The following ALK variants were observed in gnomAD, a reference collection of about 807,000 sequenced individuals.
ALK encodes ALK tyrosine kinase receptor.
In ALK, 74 loss-of-function variants were observed where a neutral mutation model predicts 163.1. That is an observed-to-expected ratio of 0.45 (90% confidence interval 0.38 to 0.55). The LOEUF (loss-of-function observed/expected upper bound fraction) is 0.55. Ranked by LOEUF, ALK falls within the 20% of genes least tolerant of loss-of-function variation. ALK has a pLI of 0.00. For synonymous variants in ALK, 960 were observed against 843.2 expected (o/e 1.14, Z -2.40); for missense variants, 2,063 against 2,105.3 (o/e 0.98, Z 0.39).
chr2:29,320,768 C>G lies in ALK; in HGVS notation c.1529G>C (p.Arg510Pro). 6.2e-7 allele frequency: 1 copy of G among 1,613,888 alleles called. No homozygotes were observed. The highest frequency in any genetic ancestry group is 1.3e-5 in the African/African-American group (1 of 75,008). The change falls in exon 7 of 29, where the codon CGG becomes CCG. Residue 510 changes from arginine (R) to proline (P), a missense_variant. Arg to Pro is a moderately radical substitution (Grantham distance 103, BLOSUM62 -2). Transcript: ENST00000389048. Reference sequence around the variant, plus strand: ...AGTAGTACCTTGGTGGTCCTGGAACCGGGCATCCTTTAGGGTCCTGACCTG... The same window carrying G: ...AGTAGTACCTTGGTGGTCCTGGAACGGGGCATCCTTTAGGGTCCTGACCTG... ...QWQVRTLKDA[R>P]FQDHQDHALL...
intron 3 of ALK, among the ~76,000 whole-genome samples, chr2:29,554,203 T>A (rs772018269): frequency 2.6e-5 from 4 of 152,152 alleles, no homozygotes; most frequent in Admixed American, 1.3e-4. Flanking sequence ...TGGCTGGAAA[T>A]TTTAAGCATA....
chr2:29,751,306 A>T lies in ALK; in HGVS notation c.668-33609T>A, dbSNP rs140243736. Among the ~76,000 whole-genome samples the T allele has an allele frequency of 3.5e-4, 52 of 150,720 alleles. 1 individual carries two copies. The highest frequency in any genetic ancestry group is 1.2e-3 in the African/African-American group (50 of 40,694). On this transcript the variant is annotated intron_variant, in intron 1 of 28. Coordinates refer to ENST00000389048, the MANE Select transcript of ALK (RefSeq NM_004304.5). ...ACTTAAGCTACACTAAATTTATTTTAAAAAAATTAATTGTGCTAGGACATT... is the reference window on the plus strand; with the variant it reads ...ACTTAAGCTACACTAAATTTATTTTTAAAAAATTAATTGTGCTAGGACATT...
At chr2:29,807,835 G>C (rs1391980536) in intron 1 of ALK, among the ~76,000 whole-genome samples, 1 of 152,190 alleles carries the variant, frequency 6.6e-6, no homozygotes, top group African/African-American at 2.4e-5. Context: ...CATAACACAG[G>C]CATGGATTAT....
intron 1 of ALK, among the ~76,000 whole-genome samples, chr2:29,770,731 G>T (rs770950942): frequency 3.9e-5 from 6 of 152,194 alleles, no homozygotes; most frequent in Middle Eastern, 3.4e-3. Flanking sequence ...TCAACAGAGG[G>T]TTATAAGATA....
intron 1 of ALK, among the ~76,000 whole-genome samples, chr2:29,743,219 T>G (rs1259655366): frequency 6.6e-6 from 1 of 152,208 alleles, no homozygotes; most frequent in Non-Finnish European, 1.5e-5. Context: ...TTTCTAAAGC[T>G]TCTACAATTT....
chr2:29,733,436 G>A (rs917209595), intron 1 of ALK, among the ~76,000 whole-genome samples: 3 of 152,158 alleles, frequency 2.0e-5, no homozygotes, highest in Non-Finnish European at 4.4e-5. Context: ...TTAGATGTCA[G>A]GCTGGCCTGA....
chr2:29,652,679 C>G (rs1222763940), intron 3 of ALK, among the ~76,000 whole-genome samples: 1 of 152,066 alleles, frequency 6.6e-6, no homozygotes, highest in African/African-American at 2.4e-5. Flanking sequence ...TTAAGTTGAT[C>G]ACCAATGGTC....
intron 8 of ALK, among the ~76,000 whole-genome samples, chr2:29,298,723 C>T (rs1043102068): frequency 7.9e-5 from 12 of 152,244 alleles, no homozygotes; most frequent in South Asian, 2.1e-4. Context: ...CAGGAACAAT[C>T]TCCTTCAGTC....
intron 3 of ALK, among the ~76,000 whole-genome samples, chr2:29,648,707 T>G (rs146883646): frequency 4.6e-5 from 7 of 152,292 alleles, no homozygotes; most frequent in African/African-American, 9.6e-5. Context: ...CTACTTTCTT[T>G]TGACATTATG....
rs1005846150 is a variant in ALK, at chr2:29,222,399, C to T, written c.3460G>A (p.Glu1154Lys). ...PLQVAVKTLP[E>K]VCSEQDELDF... ...AGTTCGTCCTGTTCAGAGCACACTT[C>T]AGGCAGCGTCTGGGCAGAGAAGGGG... Residue 1154 changes from glutamate (E) to lysine (K), a missense_variant, in exon 22 of 29, where the codon GAA becomes AAA. Around this residue, in one of 5 missense-constraint regions of ALK, gnomAD observed 575 missense variants for 626.6 expected, o/e 0.92. Coordinates refer to ENST00000389048, the MANE Select transcript of ALK (RefSeq NM_004304.5). The T allele has an allele frequency of 1.2e-6, 2 of 1,614,064 alleles. No homozygotes were observed. The highest frequency in any genetic ancestry group is 1.7e-6 in the Non-Finnish European group (2 of 1,180,008).
chr2:29,612,482 C>A (rs1002525893), intron 3 of ALK, among the ~76,000 whole-genome samples: 2 of 152,144 alleles, frequency 1.3e-5, no homozygotes, highest in African/African-American at 4.8e-5. Context: ...TGGACAATTT[C>A]TCTCTGTTTC....
At chr2:29,495,452 C>T (rs1672000925) in intron 4 of ALK, among the ~76,000 whole-genome samples, 1 of 152,170 alleles carries the variant, frequency 6.6e-6, no homozygotes, top group African/African-American at 2.4e-5. Context: ...TGGATTCTAG[C>T]AATCACGCCT....
intron 1 of ALK, among the ~76,000 whole-genome samples, chr2:29,902,757 A>G (rs1667450218): frequency 6.6e-6 from 1 of 152,098 alleles, no homozygotes. Context: ...GACTATTCCA[A>G]ACCCTACTCC....
At chr2:29,199,244 G>A (rs1303527233) in intron 26 of ALK, among the ~76,000 whole-genome samples, 5 of 152,124 alleles carry the variant, frequency 3.3e-5, no homozygotes, top group African/African-American at 7.2e-5. Context: ...GTGAAACACC[G>A]CACCTGGCCT....
intron 4 of ALK, among the ~76,000 whole-genome samples, chr2:29,443,384 C>T (rs1280270737): frequency 2.0e-5 from 3 of 152,204 alleles, no homozygotes; most frequent in African/African-American, 4.8e-5. Flanking sequence ...AGATGGGAGG[C>T]GGGCTGGATC....
At chr2:29,582,952 T>C (rs1390815608) in intron 3 of ALK, among the ~76,000 whole-genome samples, 2 of 149,740 alleles carry the variant, frequency 1.3e-5, no homozygotes, top group Non-Finnish European at 3.0e-5. Context: ...AACCTCCACC[T>C]CCTGGGTTCA....
chr2:29,576,000 T>C (rs369134258), intron 3 of ALK, among the ~76,000 whole-genome samples: 2 of 152,152 alleles, frequency 1.3e-5, no homozygotes, highest in South Asian at 2.1e-4. Flanking sequence ...CCAGTTAAGA[T>C]GTGCCTATGT....
intron 3 of ALK, among the ~76,000 whole-genome samples, chr2:29,589,748 T>C (rs577721637): frequency 5.7e-4 from 87 of 152,320 alleles, no homozygotes; most frequent in African/African-American, 2.0e-3. Context: ...ATTTTATGGA[T>C]GAGTAACTGT....
chr2:29,733,802 C>T (rs1679813934), intron 1 of ALK, among the ~76,000 whole-genome samples: 1 of 152,078 alleles, frequency 6.6e-6, no homozygotes, highest in Non-Finnish European at 1.5e-5. Flanking sequence ...AATCCAGACA[C>T]ACCCACGGGG....
Sources: allele counts gnomAD v4.1 joint callset (sites outside exome capture counted in the v4.1 genomes callset), GRCh38; gene constraint gnomAD v4.1.1; regional missense constraint gnomAD v4.1.1; transcripts MANE v1.5; gene names NCBI Gene and HGNC (gene_info 2026-07-23, HGNC 2026-07-21).